TENM2: variants seen among roughly 807,000 people sequenced by gnomAD.
TENM2 encodes teneurin transmembrane protein 2, also known as teneurin-2.
A neutral mutation model predicts 245.2 loss-of-function variants in TENM2; 52 were observed. The ratio of observed to expected loss-of-function variants is 0.21; its 90% CI spans 0.17 to 0.27. The LOEUF is 0.27. Ranked by LOEUF, TENM2 falls within the 10% of genes least tolerant of loss-of-function variation. TENM2 has a pLI of 1.00. For synonymous variants in TENM2, 1,363 were observed against 1,438.9 expected (o/e 0.95, Z 1.19); for missense variants, 3,046 against 3,666.8 (o/e 0.83, Z 4.37).
intron 2 of TENM2, among the ~76,000 whole-genome samples, chr5:167,395,260 A>T (rs936762777): frequency 6.6e-6 from 1 of 151,964 alleles, no homozygotes; most frequent in Non-Finnish European, 1.5e-5. Flanking sequence ...TTATAGTGGG[A>T]TTTTTTCTTA....
Position 167,658,016 on chromosome 5 carries a change from A to G in TENM2, c.503-217970A>G, listed in dbSNP as rs538960653. On this transcript the variant is annotated intron_variant, in intron 2 of 28. Coordinates refer to ENST00000518659, the Ensembl canonical transcript of TENM2. ...AAGTTGCCATAGAAAGTGTTATTGC[A>G]TGCTTGTCTTAGTCTGTTAGTGCTG... 7.2e-5 allele frequency among the ~76,000 whole-genome samples: 11 copies of G among 152,294 alleles called. No individual in the cohort carries two copies. In the South Asian group the frequency reaches 2.1e-3, roughly 29 times the overall value.
intron 4 of TENM2, among the ~76,000 whole-genome samples, chr5:167,977,913 G>T (rs1319816057): frequency 1.3e-5 from 2 of 152,192 alleles, no homozygotes; most frequent in Non-Finnish European, 2.9e-5. Context: ...GAGGTGTTTG[G>T]GTCATGGGGG....
chr5:167,560,900 A>G (rs888976), intron 2 of TENM2, among the ~76,000 whole-genome samples: 85,347 of 152,006 alleles, frequency 0.56, 24,651 homozygotes, highest in Middle Eastern at 0.65. Flanking sequence ...TTAGATTGTC[A>G]TGAACTGGGG....
At chr5:167,809,080 T>G (rs1766442817) in intron 2 of TENM2, among the ~76,000 whole-genome samples, 1 of 152,152 alleles carries the variant, frequency 6.6e-6, no homozygotes, top group Non-Finnish European at 1.5e-5. Context: ...CAGTGTGGAA[T>G]TAATCCTCCA....
At chr5:167,982,082 C>A (rs1388039450) in intron 4 of TENM2, among the ~76,000 whole-genome samples, 1 of 152,058 alleles carries the variant, frequency 6.6e-6, no homozygotes, top group Non-Finnish European at 1.5e-5. Context: ...GCCCGGAACA[C>A]ACTGCCCTTC....
chr5:168,208,011 G>A (rs1307531297), intron 19 of TENM2, among the ~76,000 whole-genome samples: 1 of 152,146 alleles, frequency 6.6e-6, no homozygotes, highest in Non-Finnish European at 1.5e-5. Context: ...TACTAGTCCA[G>A]TTCCCACTGC....
the TENM2 span, among the ~76,000 whole-genome samples, chr5:167,071,508 A>T: frequency 1.3e-5 from 2 of 152,178 alleles, no homozygotes; most frequent in Non-Finnish European, 2.9e-5. Context: ...AGTTTACACA[A>T]GGTCTTATAG....
At chr5:167,891,147 G>T (rs1248313872) in intron 3 of TENM2, among the ~76,000 whole-genome samples, 1 of 152,112 alleles carries the variant, frequency 6.6e-6, no homozygotes, top group African/African-American at 2.4e-5. Flanking sequence ...CTTATTTTGT[G>T]TTACATGAAG....
At chr5:168,122,476 C>T (rs903159993) in intron 10 of TENM2, among the ~76,000 whole-genome samples, 2 of 152,084 alleles carry the variant, frequency 1.3e-5, no homozygotes, top group Admixed American at 6.6e-5. Context: ...ACGCCTGGCC[C>T]GCCCTTTGCC....
intron 5 of TENM2, among the ~76,000 whole-genome samples, chr5:168,009,700 C>G (rs994070657): frequency 6.6e-6 from 1 of 152,206 alleles, no homozygotes; most frequent in Non-Finnish European, 1.5e-5. Flanking sequence ...CACTTTAGTT[C>G]TTGCTATTGG....
chr5:168,210,540 G>A (rs1762719801), intron 19 of TENM2, among the ~76,000 whole-genome samples: 1 of 151,876 alleles, frequency 6.6e-6, no homozygotes, highest in African/African-American at 2.4e-5. Context: ...TGACACACCA[G>A]GCTTTGCAGA....
At chr5:167,342,859 A>ATTT (rs34528128) in intron 1 of TENM2, among the ~76,000 whole-genome samples, 3 of 142,340 alleles carry the variant, frequency 2.1e-5, no homozygotes, top group African/African-American at 7.7e-5. Context: ...TCCATGATGC[A>ATTT]TTTTTTTTTT....
exon 1 of TENM2, chr5:167,284,921 C>A: frequency 6.4e-7 from 1 of 1,551,776 alleles, no homozygotes; most frequent in Non-Finnish European, 8.7e-7. Flanking sequence ...CCTCTCTGGA[C>A]AGTGAGGACT....
At chr5:168,204,304 C>A (rs1300484429) in intron 18 of TENM2, 68 bp from the exon 21 acceptor site, 1 of 1,520,578 alleles carries the variant, frequency 6.6e-7, no homozygotes, top group South Asian at 1.3e-5. Flanking sequence ...CCCTCCCTCC[C>A]AGTTGGCCAA....
At chr5:167,228,041 T>C in the TENM2 span, among the ~76,000 whole-genome samples, 1 of 149,064 alleles carries the variant, frequency 6.7e-6, no homozygotes, top group South Asian at 2.1e-4. Context: ...TATTTTATTT[T>C]ATTTTTTGAC....
Position 167,538,459 on chromosome 5 carries a change from C to G in TENM2, c.502+162986C>G, listed in dbSNP as rs560270646. Among the ~76,000 whole-genome samples, 17 of 152,298 alleles carry G rather than the reference C, an allele frequency of 1.1e-4. No individual in the cohort carries two copies. In the East Asian group the frequency reaches 2.5e-3, roughly 22 times the overall value. ...CTTGATTGGGTATGATTCCCCTTGA[C>G]TCATTTCTCTGTTGCTGGTAATTAA... On this transcript the variant is annotated intron_variant, in intron 2 of 28. Coordinates refer to ENST00000518659, the Ensembl canonical transcript of TENM2.
the TENM2 span, among the ~76,000 whole-genome samples, chr5:167,107,424 G>C: frequency 6.6e-6 from 1 of 152,214 alleles, no homozygotes; most frequent in Admixed American, 6.5e-5. Context: ...CAAGTGTGTT[G>C]TAAATATGGA....
rs1300456087 is a variant in TENM2 at position 167,342,785 on chromosome 5, C to G, written c.227-32413C>G. 3.3e-5 allele frequency among the ~76,000 whole-genome samples: 5 copies of G among 151,910 alleles called. No individual in the cohort carries two copies. In the East Asian group the frequency reaches 9.7e-4, roughly 30 times the overall value. On this transcript the variant is annotated intron_variant, in intron 1 of 28. Transcript: ENST00000518659. Reference sequence around the variant, plus strand: ...CTCATGATCCACCCTCCTCGGCCTCCCAAAGTGCTGGGATTACAGGCGTGA... The same window carrying G: ...CTCATGATCCACCCTCCTCGGCCTCGCAAAGTGCTGGGATTACAGGCGTGA...
At chr5:168,175,327 A>G (rs1759261363) in intron 13 of TENM2, among the ~76,000 whole-genome samples, 1 of 152,204 alleles carries the variant, frequency 6.6e-6, no homozygotes, top group African/African-American at 2.4e-5. Flanking sequence ...CATCATTTCA[A>G]ATAATACATA....
Sources: gnomAD v4.1 joint callset for allele counts (sites outside exome capture counted in the v4.1 genomes callset) on GRCh38, gnomAD v4.1.1 for gene constraint, MANE v1.5 for transcripts, NCBI Gene and HGNC (gene_info 2026-07-23, HGNC 2026-07-21) for gene names.